NEK10: variants seen among roughly 807,000 people sequenced by gnomAD.
NEK10 encodes NIMA related kinase 10, also known as serine/threonine-protein kinase Nek10.
A neutral mutation model predicts 159.8 loss-of-function variants in NEK10; 122 were observed. The observed-to-expected ratio is 0.76, with a 90% CI of 0.66 to 0.89. The LOEUF (loss-of-function observed/expected upper bound fraction) is 0.89, where lower values mean the gene tolerates loss of function less well. Ranked by LOEUF, NEK10 falls within the 40% of genes least tolerant of loss-of-function variation. The probability of loss-of-function intolerance (pLI) is 0.00; values close to 1 mark genes in which losing one functional copy is unlikely to be tolerated. For synonymous variants in NEK10, 466 were observed against 457.1 expected (o/e 1.02, Z -0.25); for missense variants, 1,342 against 1,323.1 (o/e 1.01, Z -0.22).
At chr3:27,209,239 G>A (rs1256932239) in intron 23 of NEK10, among the ~76,000 whole-genome samples, 2 of 152,100 alleles carry the variant, frequency 1.3e-5, no homozygotes, top group East Asian at 3.9e-4. Flanking sequence ...AAATTTCATT[G>A]GCCACCCTGT....
intron 21 of NEK10, 51 bp from the exon 22 acceptor site, chr3:27,284,755 G>C (rs745840184): frequency 7.2e-6 from 11 of 1,523,536 alleles, no homozygotes; most frequent in Non-Finnish European, 1.0e-5. Context: ...CATACATATA[G>C]CCAAAGATGA....
intron 26 of NEK10, among the ~76,000 whole-genome samples, chr3:27,176,005 AG>A (rs1220858112): frequency 1.3e-5 from 2 of 152,226 alleles, no homozygotes; most frequent in Non-Finnish European, 2.9e-5. Context: ...CACAGCTCCA[AG>A]GCACAGGTTT....
chr3:27,158,114 G>A (rs1354678341), intron 30 of NEK10, among the ~76,000 whole-genome samples: 1 of 152,098 alleles, frequency 6.6e-6, no homozygotes, highest in Non-Finnish European at 1.5e-5. Context: ...TGGCCGGGAC[G>A]GAACCTGCAA....
chr3:27,178,935 T>C (rs1947791555), intron 26 of NEK10, among the ~76,000 whole-genome samples: 1 of 152,098 alleles, frequency 6.6e-6, no homozygotes, highest in Non-Finnish European at 1.5e-5. Flanking sequence ...TGAAAGTTAG[T>C]TTTTGTTTGT....
intron 22 of NEK10, among the ~76,000 whole-genome samples, chr3:27,274,546 T>C (rs1437984269): frequency 6.6e-6 from 1 of 152,028 alleles, no homozygotes; most frequent in African/African-American, 2.4e-5. Context: ...GCTCTGTACA[T>C]ATAGCTCTAA....
chr3:27,155,508 T>TAAATA (rs60254232), intron 30 of NEK10, among the ~76,000 whole-genome samples: 38,535 of 134,052 alleles, frequency 0.29, 5,900 homozygotes, highest in East Asian at 0.49. Flanking sequence ...CTCAAAAAAA[T>TAAATA]AAATAAAATA....
rs186681300 is a variant in NEK10 at position 27,148,673 on chromosome 3, G to A, written c.2870-7091C>T. On this transcript the variant is annotated intron_variant, in intron 30 of 35. Coordinates refer to ENST00000691995, the MANE Select transcript of NEK10 (RefSeq NM_001394966.1). Reference sequence around the variant, plus strand: ...TTGGAATTTGAGGGTGATGCTTTTCGCTGTTAATTCAATTATTTTACACAC... The same window carrying A: ...TTGGAATTTGAGGGTGATGCTTTTCACTGTTAATTCAATTATTTTACACAC... Among the ~76,000 whole-genome samples the A allele has an allele frequency of 7.9e-5, 12 of 152,092 alleles. No homozygotes were observed. In the South Asian group the frequency reaches 8.3e-4, roughly 11 times the overall value.
intron 25 of NEK10, among the ~76,000 whole-genome samples, chr3:27,193,705 C>G (rs888445562): frequency 6.7e-6 from 1 of 148,678 alleles, no homozygotes; most frequent in African/African-American, 2.5e-5. Context: ...ACTATTTTTC[C>G]AGGCTCCATT....
intron 22 of NEK10, among the ~76,000 whole-genome samples, chr3:27,264,379 C>G (rs1156630430): frequency 6.6e-6 from 1 of 152,060 alleles, no homozygotes; most frequent in Non-Finnish European, 1.5e-5. Context: ...AACACAGACA[C>G]AAAAATTATT....
At chr3:27,145,402 G>A (rs1944203096) in intron 30 of NEK10, among the ~76,000 whole-genome samples, 1 of 152,016 alleles carries the variant, frequency 6.6e-6, no homozygotes, top group Non-Finnish European at 1.5e-5. Context: ...TATTAAAATA[G>A]TAAATTTGGC....
rs7628297 is a variant in NEK10 at position 27,110,775 on chromosome 3, A to G, written c.*497T>C. 0.17 allele frequency: 26,484 copies of G among 152,594 alleles called. 2,341 individuals carry two copies. Among genetic ancestry groups the G allele is most frequent in the African/African-American group, 0.19 (7,822 of 41,488 alleles). 9.5% of individuals were successfully genotyped at this position (152,594 alleles called of 1,614,324 possible). A position where few individuals can be genotyped will look rare whatever the true frequency, so the allele number is the denominator to read the frequency against. ...ATTTTGAATTTCTTTAAATGTAAAA[A>G]TGGAGGATACAGTGAATCACCCAAT... On this transcript the variant is annotated 3_prime_UTR_variant, in exon 36 of 36. Coordinates refer to ENST00000691995, the MANE Select transcript of NEK10 (RefSeq NM_001394966.1).
chr3:27,316,761 A>ACTTTT (rs2045218535), intron 6 of NEK10, among the ~76,000 whole-genome samples: 5 of 143,686 alleles, frequency 3.5e-5, no homozygotes, highest in Admixed American at 7.3e-5. Flanking sequence ...AGTGGATGGA[A>ACTTTT]TTAGGCATTC....
chr3:27,195,027 C>T (rs1197429397), intron 25 of NEK10, among the ~76,000 whole-genome samples: 1 of 152,158 alleles, frequency 6.6e-6, no homozygotes, highest in Admixed American at 6.5e-5. Flanking sequence ...CATGAGCAAA[C>T]AGGAAAAAGG....
At chr3:27,282,559 T>TATATAC (rs1244802639) in intron 22 of NEK10, among the ~76,000 whole-genome samples, 2 of 86,902 alleles carry the variant, frequency 2.3e-5, no homozygotes, top group Non-Finnish European at 4.6e-5. Context: ...TATATATATA[T>TATATAC]ACATAACTGT....
At chr3:27,331,247 A>AAAAAAAAAAAAAAAAAAAAAAAAAAAAAC (rs1559513307) in intron 5 of NEK10, among the ~76,000 whole-genome samples, 1 of 127,660 alleles carries the variant, frequency 7.8e-6, no homozygotes, top group African/African-American at 2.6e-5. Context: ...CAAAAAAAAA[A>AAAAAAAAAAAAAAAAAAAAAAAAAAAAAC]AAACAAAAAA....
intron 28 of NEK10, among the ~76,000 whole-genome samples, chr3:27,173,698 CTTAAT>C (rs1339389668): frequency 4.6e-5 from 7 of 152,078 alleles, no homozygotes; most frequent in Non-Finnish European, 7.4e-5. Context: ...ATTATTTTCA[CTTAAT>C]TTATTTCAGA....
At chr3:27,271,609 C>T (rs573385888) in intron 22 of NEK10, among the ~76,000 whole-genome samples, 1 of 152,044 alleles carries the variant, frequency 6.6e-6, no homozygotes, top group African/African-American at 2.4e-5. Flanking sequence ...GACACTTGGA[C>T]AGATATCCAT....
At chr3:27,362,749 A>G (rs1175671051) in intron 1 of NEK10, among the ~76,000 whole-genome samples, 1 of 151,746 alleles carries the variant, frequency 6.6e-6, no homozygotes, top group Non-Finnish European at 1.5e-5. Context: ...CCCGTATCTG[A>G]TATTTGGCTA....
At position 27,171,812 on chromosome 3, in the gene NEK10, C is replaced by T. The variant is rs1237371661; in HGVS notation, c.2831+7G>A. ...AAAATATTTCTAGGAGTTCAATTTG[C>T]ACCTACCTTGTTTGGGATTGTCTTT... On this transcript the variant is annotated splice_region_variant and intron_variant, in intron 29 of 35. Transcript: ENST00000691995. The T allele has an allele frequency of 1.2e-6, 2 of 1,613,520 alleles. No individual in the cohort carries two copies. Among genetic ancestry groups the T allele is most frequent in the Non-Finnish European group, 8.5e-7 (1 of 1,179,770 alleles).
Sources: allele counts gnomAD v4.1 joint callset (sites outside exome capture counted in the v4.1 genomes callset), GRCh38; gene constraint gnomAD v4.1.1; transcripts MANE v1.5; gene names NCBI Gene and HGNC (gene_info 2026-07-23, HGNC 2026-07-21).